PEX14: variants seen among roughly 807,000 people sequenced by gnomAD.
The protein encoded by PEX14 is peroxisomal biogenesis factor 14.
In PEX14, 15 loss-of-function variants were observed where a neutral mutation model predicts 49.5. The ratio of observed to expected loss-of-function variants is 0.30; its 90% CI spans 0.20 to 0.47. The LOEUF is 0.47. Ranked by LOEUF, PEX14 falls within the 20% of genes least tolerant of loss-of-function variation. PEX14 has a pLI of 1.00. For synonymous variants in PEX14, 210 were observed against 212.7 expected, an observed-to-expected ratio of 0.99 and a Z score of 0.11; for missense variants, 398 against 494.8, an observed-to-expected ratio of 0.80 and a Z score of 1.86.
chr1:10,579,104 G>A (rs561677520), intron 3 of PEX14, among the ~76,000 whole-genome samples: 14 of 152,110 alleles, frequency 9.2e-5, no homozygotes, highest in African/African-American at 3.4e-4. Flanking sequence ...TTACAAGTAG[G>A]ATAAATAACA....
At chr1:10,546,730 G>A (rs55913143) in intron 3 of PEX14, among the ~76,000 whole-genome samples, 48,649 of 150,024 alleles carry the variant, frequency 0.32, 8,456 homozygotes, top group East Asian at 0.46. Context: ...TCAGCCGTGC[G>A]TGGTGGTGGG....
chr1:10,581,574 G>T (rs943853988), intron 3 of PEX14, among the ~76,000 whole-genome samples: 4 of 151,690 alleles, frequency 2.6e-5, no homozygotes, highest in Non-Finnish European at 5.9e-5. Flanking sequence ...AAAGTGCTGG[G>T]ATTACAGGCG....
intron 3 of PEX14, among the ~76,000 whole-genome samples, chr1:10,567,324 A>C (rs571679477): frequency 2.6e-5 from 4 of 152,294 alleles, no homozygotes; most frequent in Admixed American, 2.6e-4. Context: ...ATATATCTGG[A>C]CGTACTCTGT....
Position 10,627,275 on chromosome 1 carries a change from A to T in PEX14, c.589A>T (p.Thr197Ser). The T allele has an allele frequency of 6.2e-7, 1 of 1,612,814 alleles. No individual in the cohort carries two copies. The highest frequency in any genetic ancestry group is 1.1e-5 in the South Asian group (1 of 91,052). ...CCTCCCTGTGCTCTGCTTTCAGGCC[A>T]CCACATCCACCAACTGGATCCTGGA... is the stretch of plus-strand genomic sequence containing the variant. ...LAHELAAAKA[T>S]TSTNWILESQ... Residue 197 changes from threonine (T) to serine (S), a missense_variant, in exon 8 of 9, where the codon ACC becomes TCC. Around this residue, in one of 3 missense-constraint regions of PEX14, gnomAD observed 202 missense variants for 298.5 expected, o/e 0.68. Transcript: ENST00000356607.
chr1:10,549,764 GCA>G (rs1639283937), intron 3 of PEX14, among the ~76,000 whole-genome samples: 1 of 152,108 alleles, frequency 6.6e-6, no homozygotes, highest in African/African-American at 2.4e-5. Context: ...TGTCATGTTG[GCA>G]CTCAAAACGT....
At chr1:10,503,281 C>CAAA (rs59342388) in intron 2 of PEX14, among the ~76,000 whole-genome samples, 19 of 75,458 alleles carry the variant, frequency 2.5e-4, no homozygotes, top group East Asian at 8.9e-4. Flanking sequence ...GACTCTGTCT[C>CAAA]AAAAAAAAAA....
intron 3 of PEX14, among the ~76,000 whole-genome samples, chr1:10,562,456 C>T (rs1437247414): frequency 6.6e-6 from 1 of 152,142 alleles, no homozygotes; most frequent in Non-Finnish European, 1.5e-5. Flanking sequence ...GGAACAATGT[C>T]CTGCAGTCTT....
intron 3 of PEX14, among the ~76,000 whole-genome samples, chr1:10,544,588 A>G (rs1374351250): frequency 1.3e-5 from 2 of 152,102 alleles, no homozygotes; most frequent in Admixed American, 6.5e-5. Context: ...AAAAGTTATG[A>G]CATATGTATA....
chr1:10,537,339 G>GCCCCC (rs1463981995), intron 3 of PEX14, among the ~76,000 whole-genome samples: 7 of 12,332 alleles, frequency 5.7e-4, no homozygotes, highest in African/African-American at 8.2e-4. Flanking sequence ...CATTGTGCCA[G>GCCCCC]CACCCCCCCC....
chr1:10,606,733 T>A (rs1213103611), intron 4 of PEX14, among the ~76,000 whole-genome samples: 2 of 152,196 alleles, frequency 1.3e-5, no homozygotes, highest in Non-Finnish European at 2.9e-5. Context: ...TCTGGCTTCT[T>A]CTCTTGGTCC....
intron 5 of PEX14, 98 bp from the exon 6 acceptor site, chr1:10,622,920 AG>A: frequency 1.2e-6 from 1 of 821,396 alleles, no homozygotes; most frequent in Non-Finnish European, 2.1e-6. Flanking sequence ...TCCAAAACCC[AG>A]GGATGACAGG....
chr1:10,577,719 G>T (rs529247678), intron 3 of PEX14, among the ~76,000 whole-genome samples: 15 of 147,216 alleles, frequency 1.0e-4, no homozygotes, highest in Non-Finnish European at 2.2e-4. Context: ...TCCTGCCTCA[G>T]CCTCCTGAGT....
At chr1:10,600,390 CA>C (rs796855471) in intron 4 of PEX14, among the ~76,000 whole-genome samples, 37 of 152,122 alleles carry the variant, frequency 2.4e-4, no homozygotes, top group African/African-American at 8.7e-4. Flanking sequence ...CACTGCACTC[CA>C]GACTGGGCAA....
chr1:10,480,387 CTT>C (rs34544712), intron 1 of PEX14, among the ~76,000 whole-genome samples: 67 of 87,292 alleles, frequency 7.7e-4, no homozygotes, highest in African/African-American at 3.4e-3. Context: ...GCCTGGCTAA[CTT>C]TTTTTTTTTT....
intron 4 of PEX14, among the ~76,000 whole-genome samples, chr1:10,617,681 C>T (rs1641466166): frequency 6.6e-6 from 1 of 152,044 alleles, no homozygotes; most frequent in South Asian, 2.1e-4. Context: ...CTCCAAGGCC[C>T]TGCTGACCCC....
chr1:10,594,611 A>G (rs1640780391), intron 3 of PEX14, among the ~76,000 whole-genome samples: 1 of 152,244 alleles, frequency 6.6e-6, no homozygotes, highest in African/African-American at 2.4e-5. Context: ...GACCTGAAAG[A>G]TGAAGAGAAC....
At chr1:10,551,503 G>C (rs375722362) in intron 3 of PEX14, among the ~76,000 whole-genome samples, 1 of 152,126 alleles carries the variant, frequency 6.6e-6, no homozygotes, top group East Asian at 1.9e-4. Context: ...TCGGCTTGGA[G>C]ATTCTTTAGA....
At chr1:10,516,312 A>C (rs538823362) in intron 2 of PEX14, among the ~76,000 whole-genome samples, 2 of 152,340 alleles carry the variant, frequency 1.3e-5, no homozygotes, top group African/African-American at 2.4e-5. Context: ...TGTGTTACTG[A>C]GTACATAGTC....
At chr1:10,546,698 C>T (rs1269925272) in intron 3 of PEX14, among the ~76,000 whole-genome samples, 1 of 148,500 alleles carries the variant, frequency 6.7e-6, no homozygotes, top group East Asian at 2.0e-4. Context: ...AAACCTGTCT[C>T]TACTAGAAAA....
Sources: gnomAD v4.1 joint callset for allele counts (sites outside exome capture counted in the v4.1 genomes callset) on GRCh38, gnomAD v4.1.1 for gene constraint, gnomAD v4.1.1 regional missense constraint, MANE v1.5 for transcripts, NCBI Gene and HGNC (gene_info 2026-07-23, HGNC 2026-07-21) for gene names.